COL16A1: variants seen among roughly 807,000 people sequenced by gnomAD.
The protein encoded by COL16A1 is collagen type XVI alpha 1 chain, also known as collagen alpha-1(XVI) chain.
A neutral mutation model predicts 266.3 loss-of-function variants in COL16A1; 189 were observed. The observed-to-expected ratio is 0.71, with a 90% CI of 0.63 to 0.80. The LOEUF (loss-of-function observed/expected upper bound fraction) is 0.80. Among genes scored for constraint, COL16A1 ranks in the 30% least tolerant of loss-of-function variants. The probability of loss-of-function intolerance (pLI) is 0.00; values close to 1 mark genes in which losing one functional copy is unlikely to be tolerated. For missense variants in COL16A1, 1,928 were observed against 2,122.4 expected, an observed-to-expected ratio of 0.91 and a Z score of 1.80; for synonymous variants, 740 against 782.3, an observed-to-expected ratio of 0.95 and a Z score of 0.90.
chr1:31,697,268 G>T lies in COL16A1; in HGVS notation c.690C>A (p.Asp230Glu), dbSNP rs1644541483. The change falls in exon 7 of 71, where the codon GAC (aspartate) becomes GAA (glutamate). Residue 230 changes from aspartate (D) to glutamate (E), a missense_variant. Asp to Glu is a conservative substitution (Grantham distance 45, BLOSUM62 2). This residue lies in a region of COL16A1 where 1,552 missense variants were observed against 1,637.2 expected (regional missense o/e 0.95). Transcript: ENST00000373672. This position sits in a 1 kb window ranked among gnomAD's most constrained non-coding sequence, Gnocchi z 4.2. The stretch of plus-strand genomic sequence containing the variant: ...AGCCCTCCTCCAGCACGAGCTCCGG[G>T]TCACAGTAGATGTGCACCTGCTGAA... The part of the protein sequence containing the change: ...FDLQQVHIYC[D>E]PELVLEEGCC... 3 of 1,612,234 alleles carry T rather than the reference G, an allele frequency of 1.9e-6. No homozygotes were observed. In the East Asian group the frequency reaches 6.7e-5, roughly 36 times the overall value.
chr1:31,686,387 C>T (rs1238305461), intron 26 of COL16A1, 108 bp from the exon 27 acceptor site: 5 of 1,433,464 alleles, frequency 3.5e-6, no homozygotes, highest in Non-Finnish European at 4.9e-6. Flanking sequence ...TCCAGACTAC[C>T]CTCTCATGTC....
rs779155305 is a variant in COL16A1 at position 31,695,805 on chromosome 1, G to A, written c.919-18C>T. On this transcript the variant is annotated intron_variant, in intron 9 of 70. Transcript: ENST00000373672. ...TGATGGACCTGAGGAAAGGGTGGGG[G>A]GTGTGGGAATGGGCAGGGAGCTCAG... 1.9e-6 allele frequency: 3 copies of A among 1,612,012 alleles called. No individual in the cohort carries two copies. The highest frequency in any genetic ancestry group is 2.5e-6 in the Non-Finnish European group (3 of 1,178,664).
chr1:31,684,914 G>A lies in COL16A1; in HGVS notation c.2017-58C>T, dbSNP rs1001068451. 2.6e-5 allele frequency: 42 copies of A among 1,610,398 alleles called. 1 individual carries two copies. Among genetic ancestry groups the A allele is most frequent in the Non-Finnish European group, 2.9e-5 (34 of 1,179,990 alleles). On this transcript the variant is annotated intron_variant, in intron 29 of 70. Coordinates refer to ENST00000373672, the MANE Select transcript of COL16A1 (RefSeq NM_001856.4). ...TCATACCAGCCACCCCAAAGTGCCC[G>A]GCACCACATCAGGCTGGGGCATACA...
chr1:31,691,739 C>T, intron 17 of COL16A1, 97 bp from the exon 18 acceptor site: 5 of 1,462,208 alleles, frequency 3.4e-6, no homozygotes, highest in Non-Finnish European at 4.6e-6. Context: ...CCCTCCCTGC[C>T]CCTCCCCCAA....
chr1:31,661,021 T>C, intron 61 of COL16A1, 45 bp downstream of exon 61: 3 of 1,542,214 alleles, frequency 1.9e-6, no homozygotes, highest in South Asian at 2.4e-5. Flanking sequence ...CTCTGCAGAG[T>C]CTGAAGGCAA....
At chr1:31,660,276 T>C (rs1453401151) in intron 62 of COL16A1, 1 of 292,336 alleles carries the variant, frequency 3.4e-6, no homozygotes, top group East Asian at 6.4e-5. Flanking sequence ...GGTTCTTCTC[T>C]TTCTGTCACT....
intron 2 of COL16A1, among the ~76,000 whole-genome samples, chr1:31,700,420 G>A (rs1644683589): frequency 6.6e-6 from 1 of 152,246 alleles, no homozygotes; most frequent in South Asian, 2.1e-4. Context: ...TCCAAGTCAG[G>A]AGCTAGGCCA....
Position 31,697,373 on chromosome 1 carries a change from C to G in COL16A1, c.658-73G>C. ...CTGTGTCCTGGCCCCCCAGGAGGCA[C>G]AGAGATGTCTCTGCCCCAGGATGTG... On this transcript the variant is annotated intron_variant, in intron 6 of 70. Coordinates refer to ENST00000373672, the MANE Select transcript of COL16A1 (RefSeq NM_001856.4). This position sits in a 1 kb window ranked among gnomAD's most constrained non-coding sequence, Gnocchi z 4.2. 2.1e-6 allele frequency: 3 copies of G among 1,419,108 alleles called. No homozygotes were observed. Among genetic ancestry groups the G allele is most frequent in the Non-Finnish European group, 2.9e-6 (3 of 1,037,404 alleles). 87.9% of individuals were successfully genotyped at this position (1,419,108 alleles called of 1,614,324 possible). A position where few individuals can be genotyped will look rare whatever the true frequency, so the allele number is the denominator to read the frequency against.
In COL16A1 at chr1:31,699,991, T is replaced by A. The variant is rs754766009; in HGVS notation, c.148+50A>T. 4 of 1,609,546 alleles carry A rather than the reference T, an allele frequency of 2.5e-6. No homozygotes were observed. The South Asian group carries it at 3.3e-5, about 13-fold the overall frequency. Reference sequence around the variant, plus strand: ...GCAGGTGGAGAGGGGTACAGATCACTCCCAGAGGAAGGTTGCAGGGACGGC... The same window carrying A: ...GCAGGTGGAGAGGGGTACAGATCACACCCAGAGGAAGGTTGCAGGGACGGC... On this transcript the variant is annotated intron_variant, in intron 3 of 70. Transcript: ENST00000373672.
At chr1:31,690,694 C>A (rs975235412) in intron 20 of COL16A1, 121 bp from the exon 21 acceptor site, 2 of 1,457,946 alleles carry the variant, frequency 1.4e-6, no homozygotes, top group South Asian at 1.3e-5. Flanking sequence ...TCTCTTGTTG[C>A]CATTTGTTCC....
Position 31,685,747 on chromosome 1 carries a change from T to A in COL16A1, c.1908A>T (p.Pro636=). ...GAKGEPCEPC[P]ALSNLQDGDV... is the part of the protein sequence containing the mutation. ...CCCCATCCTGAAGGTTGGACAGGGC[T>A]GGGCACGGCTCACAGGGCTCCCCCT... Residue 636 remains proline (P), a synonymous_variant, in exon 29 of 71, where the codon CCA becomes CCT. Transcript: ENST00000373672. This position sits in a 1 kb window ranked among gnomAD's most constrained non-coding sequence, Gnocchi z 4.0. 6.2e-7 allele frequency: 1 copy of A among 1,613,958 alleles called. No individual in the cohort carries two copies. Among genetic ancestry groups the A allele is most frequent in the South Asian group, 1.1e-5 (1 of 91,078 alleles).
At chr1:31,681,649 C>T (rs951388969) in intron 37 of COL16A1, among the ~76,000 whole-genome samples, 3 of 152,246 alleles carry the variant, frequency 2.0e-5, no homozygotes, top group African/African-American at 4.8e-5. Flanking sequence ...AGGTCTGGAA[C>T]GTTCTCCTGA....
Position 31,672,800 on chromosome 1 carries a change from G to C in COL16A1, c.2900C>G (p.Pro967Arg). The change falls in exon 45 of 71, where the codon CCA becomes CGA. Residue 967 changes from proline to arginine, a missense_variant. Transcript: ENST00000373672. ...CTCTCCCTTCTCCACGAGGTACCCT[G>C]GGTGGGCCCTCTGCCCCTGGACACA... ...GDCVQGQRAH[P>R]GYLVEKGEKG... 1 of 1,614,140 alleles carries C rather than the reference G, an allele frequency of 6.2e-7. No individual in the cohort carries two copies. The highest frequency in any genetic ancestry group is 8.5e-7 in the Non-Finnish European group (1 of 1,179,984).
At chr1:31,700,289 C>T (rs1236619706) in intron 2 of COL16A1, among the ~76,000 whole-genome samples, 174 bp from the exon 3 acceptor site, 1 of 152,192 alleles carries the variant, frequency 6.6e-6, no homozygotes, top group East Asian at 1.9e-4. Context: ...AGCCTGGAGG[C>T]CCCCAACCCA....
Position 31,657,432 on chromosome 1 carries a change from T to A in COL16A1, c.4021-364A>T. The A allele has an allele frequency of 8.7e-6, 2 of 230,314 alleles. No homozygotes were observed. The highest frequency in any genetic ancestry group is 1.7e-5 in the Non-Finnish European group (2 of 116,826). 14.3% of individuals were successfully genotyped at this position (230,314 alleles called of 1,614,324 possible). On this transcript the variant is annotated intron_variant, in intron 64 of 70. Transcript: ENST00000373672. The surrounding 1 kb of genome is among the most constrained non-coding windows in gnomAD (Gnocchi z 6.4). Reference sequence around the variant, plus strand: ...GAACAGCCTGAGCCGGCCCCCTCCCTGAGACCAGCAAGGCAGCCTCTCTTC... The same window carrying A: ...GAACAGCCTGAGCCGGCCCCCTCCCAGAGACCAGCAAGGCAGCCTCTCTTC...
chr1:31,701,005 G>A (rs1052615552), intron 2 of COL16A1, among the ~76,000 whole-genome samples: 3 of 152,200 alleles, frequency 2.0e-5, no homozygotes, highest in Non-Finnish European at 4.4e-5. Flanking sequence ...AGGAAAGACA[G>A]AGGCCAGAAT....
chr1:31,695,844 G>T (rs1644473992), intron 9 of COL16A1, 57 bp from the exon 10 acceptor site: 11 of 1,506,876 alleles, frequency 7.3e-6, no homozygotes, highest in Non-Finnish European at 1.0e-5. Context: ...GCCGAGCACT[G>T]TTTCCAACAC....
Position 31,702,105 on chromosome 1 carries a change from T to G in COL16A1, c.73+16A>C. On this transcript the variant is annotated intron_variant, in intron 2 of 70. Coordinates refer to ENST00000373672, the MANE Select transcript of COL16A1 (RefSeq NM_001856.4). ...TTGCAGGCCTGTGATACTGTGACTC[T>G]CCTGTGTCATCTCACCTGTATTTGC... The G allele has an allele frequency of 6.2e-7, 1 of 1,613,966 alleles. No homozygotes were observed. The highest frequency in any genetic ancestry group is 1.1e-5 in the South Asian group (1 of 91,064).
Position 31,686,313 on chromosome 1 carries a change from G to C in COL16A1, c.1804-34C>G, listed in dbSNP as rs773553745. ...AAGCACAGAAACCATGATTAAAGAG[G>C]GGATGGAGTCTGGGTGCTAGAGCAA... On this transcript the variant is annotated intron_variant, in intron 26 of 70. Coordinates refer to ENST00000373672, the MANE Select transcript of COL16A1 (RefSeq NM_001856.4). 47 of 1,614,062 alleles carry C rather than the reference G, an allele frequency of 2.9e-5. No homozygotes were observed. In the South Asian group the frequency reaches 5.1e-4, roughly 17 times the overall value.
Sources: allele counts gnomAD v4.1 joint callset (sites outside exome capture counted in the v4.1 genomes callset), GRCh38; gene constraint gnomAD v4.1.1; regional missense constraint gnomAD v4.1.1; non-coding constraint Gnocchi (gnomAD v3.1); transcripts MANE v1.5; gene names NCBI Gene and HGNC (gene_info 2026-07-23, HGNC 2026-07-21).